The following MYO18B variants were observed in gnomAD, a reference collection of about 807,000 sequenced individuals.
MYO18B encodes the protein unconventional myosin-XVIIIb.
MYO18B carries 204 observed loss-of-function variants against 273.0 expected under a neutral mutation model. The ratio of observed to expected loss-of-function variants is 0.75; its 90% CI spans 0.67 to 0.84. MYO18B has a LOEUF of 0.84. Ranked by LOEUF, MYO18B falls within the 40% of genes least tolerant of loss-of-function variation. MYO18B has a pLI of 0.00. For synonymous variants in MYO18B, 1,330 were observed against 1,305.7 expected (o/e 1.02, Z -0.40); for missense variants, 3,212 against 3,287.6 (o/e 0.98, Z 0.56).
chr22:25,996,825 C>T (rs1933303449), intron 40 of MYO18B, among the ~76,000 whole-genome samples: 1 of 152,028 alleles, frequency 6.6e-6, no homozygotes, highest in South Asian at 2.1e-4. Flanking sequence ...AACCAGTGTC[C>T]CCCGGGAAGG....
At chr22:26,013,780 T>TCA (rs1263586506) in intron 42 of MYO18B, among the ~76,000 whole-genome samples, 5 of 152,240 alleles carry the variant, frequency 3.3e-5, no homozygotes, top group Non-Finnish European at 7.3e-5. Flanking sequence ...TTTTATATGC[T>TCA]TATATCTTCA....
chr22:25,865,104 T>G (rs2090848364), intron 21 of MYO18B, among the ~76,000 whole-genome samples: 2 of 152,208 alleles, frequency 1.3e-5, no homozygotes, highest in Non-Finnish European at 2.9e-5. Context: ...ATAACAGCAT[T>G]TAAGTGCAAA....
chr22:25,827,820 T>A (rs919143385), intron 14 of MYO18B, among the ~76,000 whole-genome samples: 2 of 152,178 alleles, frequency 1.3e-5, no homozygotes, highest in Non-Finnish European at 2.9e-5. Flanking sequence ...GCTTCAAGGT[T>A]TGGGTTCTCA....
chr22:25,866,888 A>T (rs16980905), intron 21 of MYO18B, among the ~76,000 whole-genome samples: 6,538 of 151,778 alleles, frequency 0.043, 197 homozygotes, highest in East Asian at 0.13. Context: ...GTTATTGACC[A>T]TGTCATTTAT....
intron 25 of MYO18B, among the ~76,000 whole-genome samples, chr22:25,889,698 A>G (rs939570823): frequency 8.6e-5 from 13 of 151,954 alleles, no homozygotes; most frequent in African/African-American, 2.9e-4. Flanking sequence ...GTACTCTGCC[A>G]TATCCTCAAA....
At position 25,768,165 on chromosome 22, in the gene MYO18B, C is replaced by T. The variant is rs368567040; in HGVS notation, c.249C>T (p.Thr83=). ...CCAACAGCAAGTCCAGCAGTGGCAC[C>T]AGATCTGGAAGCCAGCAGATCTCTC... ...SQPNSKSSSG[T]RSGSQQISQD... Residue 83 remains threonine, a synonymous_variant, in exon 4 of 44, where the codon ACC becomes ACT. Coordinates refer to ENST00000335473, the MANE Select transcript of MYO18B (RefSeq NM_032608.7). The T allele has an allele frequency of 1.7e-5, 27 of 1,611,976 alleles. No homozygotes were observed. The highest frequency in any genetic ancestry group is 2.1e-5 in the Non-Finnish European group (25 of 1,178,904).
chr22:25,950,811 A>G (rs980190976), intron 37 of MYO18B, among the ~76,000 whole-genome samples: 1 of 152,096 alleles, frequency 6.6e-6, no homozygotes, highest in African/African-American at 2.4e-5. Context: ...ACCTCAGGTG[A>G]TCCGCCCTTC....
At chr22:25,768,014 T>A in intron 3 of MYO18B, 101 bp from the exon 4 acceptor site, 1 of 1,105,434 alleles carries the variant, frequency 9.0e-7, no homozygotes, top group Non-Finnish European at 1.3e-6. Flanking sequence ...GAAGGATGAA[T>A]GGAGAAGTGA....
In MYO18B at chr22:25,846,245, A is replaced by G. The variant is rs1217652137; in HGVS notation, c.3514A>G (p.Arg1172Gly). 6.2e-7 allele frequency: 1 copy of G among 1,612,132 alleles called. No homozygotes were observed. The highest frequency in any genetic ancestry group is 2.2e-5 in the East Asian group (1 of 44,890). The change falls in exon 19 of 44, where the codon AGG (arginine) becomes GGG (glycine). Residue 1172 changes from arginine to glycine, a missense_variant. Arg to Gly is a moderately radical substitution (Grantham distance 125). Transcript: ENST00000335473. ...CTTTGCCAGCAGCCTTGCCGCGGTG[A>G]GGAGGAAAGCCCCGTGCTCCCAGAT... ...RTFASSLAAV[R>G]RKAPCSQIKL...
At chr22:25,773,640 T>G (rs2145617263) in intron 7 of MYO18B, among the ~76,000 whole-genome samples, 1 of 152,244 alleles carries the variant, frequency 6.6e-6, no homozygotes, top group South Asian at 2.1e-4. Context: ...ATTTTTTGTA[T>G]TTTTAGTAGA....
At chr22:25,820,282 A>G (rs2089227311) in intron 12 of MYO18B, among the ~76,000 whole-genome samples, 1 of 151,848 alleles carries the variant, frequency 6.6e-6, no homozygotes, top group East Asian at 2.0e-4. Flanking sequence ...TCAGTAAGCA[A>G]TATCTATTTG....
In MYO18B at chr22:25,952,335, A is replaced by G. The variant is rs13054189; in HGVS notation, c.5882A>G (p.Asp1961Gly). Reference sequence around the variant, plus strand: ...GAGTACCTGGAACAGTCCACCGTGGATCGAGCCATCGTCAGCAGGCAGGAG... The same window carrying G: ...GAGTACCTGGAACAGTCCACCGTGGGTCGAGCCATCGTCAGCAGGCAGGAG... ...RIEYLEQSTV[D>G]RAIVSRQEAV... The change falls in exon 38 of 44, where the codon GAT (aspartate) becomes GGT (glycine). Residue 1961 changes from aspartate to glycine, a missense_variant. Asp to Gly is a moderately conservative substitution (Grantham distance 94). Transcript: ENST00000335473. 4.3e-6 allele frequency: 7 copies of G among 1,612,036 alleles called. No homozygotes were observed. Among genetic ancestry groups the G allele is most frequent in the Non-Finnish European group, 4.2e-6 (5 of 1,179,170 alleles).
chr22:25,835,757 G>A (rs1233108434), intron 17 of MYO18B, among the ~76,000 whole-genome samples: 1 of 152,232 alleles, frequency 6.6e-6, no homozygotes, highest in Non-Finnish European at 1.5e-5. Flanking sequence ...CTAATGGGGC[G>A]CATCAGGGCG....
chr22:25,745,470 C>A (rs1163019490), intron 1 of MYO18B, among the ~76,000 whole-genome samples: 1 of 132,474 alleles, frequency 7.5e-6, no homozygotes, highest in Non-Finnish European at 1.6e-5. Flanking sequence ...TTCTCTCTCT[C>A]TGACACACAC....
At chr22:25,889,445 A>T (rs2091596104) in intron 25 of MYO18B, among the ~76,000 whole-genome samples, 1 of 152,086 alleles carries the variant, frequency 6.6e-6, no homozygotes, top group South Asian at 2.1e-4. Flanking sequence ...ATGTGACCGC[A>T]CCCAATTCAA....
intron 1 of MYO18B, among the ~76,000 whole-genome samples, chr22:25,753,341 G>C (rs2086002060): frequency 6.6e-6 from 1 of 152,220 alleles, no homozygotes; most frequent in Non-Finnish European, 1.5e-5. Context: ...CTAAGGATTT[G>C]TAAACGCACC....
chr22:26,006,304 C>T (rs1471315386), intron 42 of MYO18B: 1 of 156,858 alleles, frequency 6.4e-6, no homozygotes, highest in Non-Finnish European at 1.4e-5. Flanking sequence ...GAGCTGGATT[C>T]CAATTCTTTT....
At chr22:25,804,604 T>TGA (rs921306188) in intron 12 of MYO18B, among the ~76,000 whole-genome samples, 4 of 152,160 alleles carry the variant, frequency 2.6e-5, no homozygotes, top group Non-Finnish European at 5.9e-5. Context: ...TGTGTGTGTG[T>TGA]GAGAGAGCAC....
At chr22:25,759,773 ACT>A (rs757114733) in intron 1 of MYO18B, among the ~76,000 whole-genome samples, 3 of 151,706 alleles carry the variant, frequency 2.0e-5, no homozygotes, top group Non-Finnish European at 2.9e-5. Flanking sequence ...CTTGCTAAAC[ACT>A]CTTTTTTTGA....
Sources: allele counts gnomAD v4.1 joint callset (sites outside exome capture counted in the v4.1 genomes callset), GRCh38; gene constraint gnomAD v4.1.1; transcripts MANE v1.5; gene names NCBI Gene and HGNC (gene_info 2026-07-23, HGNC 2026-07-21).